Variants in EHBP1 observed in about 807,000 individuals in gnomAD.
EHBP1 encodes EH domain-binding protein 1.
Under a neutral mutation model 144.0 loss-of-function variants are expected in EHBP1, and 55 were observed. That is an observed-to-expected ratio of 0.38 (90% CI 0.31 to 0.48). EHBP1 has a LOEUF of 0.48. Among genes scored for constraint, EHBP1 ranks in the 20% least tolerant of loss-of-function variants. The pLI is 0.98. For synonymous variants in EHBP1, 469 were observed against 472.7 expected, an observed-to-expected ratio of 0.99 and a Z score of 0.10; for missense variants, 1,200 against 1,364.2, an observed-to-expected ratio of 0.88 and a Z score of 1.90.
chr2:62,734,197 G>GC (rs2037882823), intron 2 of EHBP1, among the ~76,000 whole-genome samples: 1 of 151,326 alleles, frequency 6.6e-6, no homozygotes, highest in African/African-American at 2.4e-5. Flanking sequence ...TTTTCAGTAT[G>GC]CCTTTTTTTT....
At chr2:62,823,293 G>A (rs962907231) in intron 5 of EHBP1, among the ~76,000 whole-genome samples, 2 of 152,116 alleles carry the variant, frequency 1.3e-5, no homozygotes, top group African/African-American at 4.8e-5. Flanking sequence ...CCCAGAGACA[G>A]TTATTCAGAC....
At chr2:62,724,349 T>G (rs1203981017) in intron 2 of EHBP1, among the ~76,000 whole-genome samples, 1 of 152,202 alleles carries the variant, frequency 6.6e-6, no homozygotes, top group East Asian at 1.9e-4. Context: ...TCTATACTGG[T>G]TATTTTGTCT....
intron 10 of EHBP1, among the ~76,000 whole-genome samples, chr2:62,921,028 G>A (rs1247980623): frequency 6.6e-6 from 1 of 152,158 alleles, no homozygotes; most frequent in Non-Finnish European, 1.5e-5. Context: ...AGTGTGTAAA[G>A]ATGTAATTTT....
intron 15 of EHBP1, among the ~76,000 whole-genome samples, chr2:62,982,547 C>T (rs2059016784): frequency 6.6e-6 from 1 of 152,136 alleles, no homozygotes; most frequent in South Asian, 2.1e-4. Context: ...AGTGTCCACT[C>T]TTCTAGGGTC....
chr2:62,750,612 T>C (rs2039599133), intron 3 of EHBP1, among the ~76,000 whole-genome samples: 1 of 152,244 alleles, frequency 6.6e-6, no homozygotes, highest in African/African-American at 2.4e-5. Flanking sequence ...TTCCTATCCA[T>C]GAGCGTGGAA....
intron 2 of EHBP1, among the ~76,000 whole-genome samples, chr2:62,715,315 C>T (rs750612937): frequency 6.6e-6 from 1 of 151,904 alleles, no homozygotes; most frequent in African/African-American, 2.4e-5. Context: ...GGGGTTTCAC[C>T]GTGTTAGCCA....
intron 2 of EHBP1, among the ~76,000 whole-genome samples, chr2:62,745,869 C>A (rs926335753): frequency 6.6e-6 from 1 of 151,996 alleles, no homozygotes; most frequent in Admixed American, 6.6e-5. Context: ...CTCTTTCAGT[C>A]AAGTAAACCT....
chr2:62,876,101 A>G (rs2050869286), intron 10 of EHBP1, among the ~76,000 whole-genome samples: 1 of 152,200 alleles, frequency 6.6e-6, no homozygotes, highest in Non-Finnish European at 1.5e-5. Context: ...CTTGCTAGAG[A>G]GGTCAACATT....
chr2:62,901,370 T>C (rs1190099468), intron 10 of EHBP1, among the ~76,000 whole-genome samples: 1 of 152,214 alleles, frequency 6.6e-6, no homozygotes, highest in East Asian at 1.9e-4. Flanking sequence ...AAAAGGCCAG[T>C]GGCATAGTAT....
chr2:62,936,054 C>T (rs1400234451), intron 10 of EHBP1, among the ~76,000 whole-genome samples: 1 of 152,068 alleles, frequency 6.6e-6, no homozygotes, highest in Non-Finnish European at 1.5e-5. Context: ...ACTTTTGCCT[C>T]TATATTCATG....
rs138678230 is a variant in EHBP1 at position 62,844,312 on chromosome 2, A to T, written c.634+13154A>T. On this transcript the variant is annotated intron_variant, in intron 7 of 22. Transcript: ENST00000431489. ...TCTGAGACAGACTCCCCTGCTAAATAGATACATATCTGGGGACTAGCTCTC... is the reference window on the plus strand; with the variant it reads ...TCTGAGACAGACTCCCCTGCTAAATTGATACATATCTGGGGACTAGCTCTC... Among the ~76,000 whole-genome samples, 434 of 152,312 alleles carry T rather than the reference A, an allele frequency of 2.8e-3. 3 individuals carry two copies. Among genetic ancestry groups the T allele is most frequent in the African/African-American group, 9.7e-3 (405 of 41,572 alleles).
chr2:62,693,443 T>C (rs929540935), intron 1 of EHBP1, among the ~76,000 whole-genome samples: 4 of 152,196 alleles, frequency 2.6e-5, no homozygotes, highest in Non-Finnish European at 5.9e-5. Context: ...TTATCAGATA[T>C]ATGGTTTGCA....
intron 10 of EHBP1, among the ~76,000 whole-genome samples, chr2:62,922,147 C>T (rs1455882476): frequency 6.6e-6 from 1 of 152,082 alleles, no homozygotes; most frequent in Non-Finnish European, 1.5e-5. Context: ...TGCACTCCAG[C>T]CTGAGCGACA....
chr2:63,003,070 A>G (rs2059910514), intron 19 of EHBP1, among the ~76,000 whole-genome samples: 1 of 152,076 alleles, frequency 6.6e-6, no homozygotes, highest in Admixed American at 6.6e-5. Flanking sequence ...AATGTTTTTA[A>G]TGATTATACC....
At chr2:62,932,823 A>G (rs1285955928) in intron 10 of EHBP1, among the ~76,000 whole-genome samples, 2 of 151,872 alleles carry the variant, frequency 1.3e-5, no homozygotes, top group African/African-American at 4.8e-5. Context: ...GCATGATGGC[A>G]TGAGCCTGTA....
chr2:62,953,220 A>AC (rs1209471327), intron 13 of EHBP1, among the ~76,000 whole-genome samples: 2 of 144,794 alleles, frequency 1.4e-5, no homozygotes, highest in Non-Finnish European at 3.1e-5. Context: ...TCCGTCTCAA[A>AC]AAAAAAAAAA....
intron 19 of EHBP1, among the ~76,000 whole-genome samples, chr2:63,013,965 AGATGAAT>A (rs2060379269): frequency 6.6e-6 from 1 of 152,246 alleles, no homozygotes; most frequent in Non-Finnish European, 1.5e-5. Flanking sequence ...TGCTGATAAA[AGATGAAT>A]GATTCTGTGT....
chr2:62,688,087 A>G (rs996581219), intron 1 of EHBP1, among the ~76,000 whole-genome samples: 2 of 152,164 alleles, frequency 1.3e-5, no homozygotes, highest in African/African-American at 4.8e-5. Context: ...ATCCAGTAGT[A>G]TATTTTTAAA....
intron 5 of EHBP1, among the ~76,000 whole-genome samples, chr2:62,779,701 T>A (rs2042295999): frequency 6.6e-6 from 1 of 152,192 alleles, no homozygotes; most frequent in South Asian, 2.1e-4. Context: ...TTCGGAAATT[T>A]GAAAGCAATG....
Sources: gnomAD v4.1 joint callset for allele counts (sites outside exome capture counted in the v4.1 genomes callset) on GRCh38, gnomAD v4.1.1 for gene constraint, MANE v1.5 for transcripts, NCBI Gene and HGNC (gene_info 2026-07-23, HGNC 2026-07-21) for gene names.